Variants in PUM3 observed in about 807,000 individuals in gnomAD.
The protein encoded by PUM3 is pumilio RNA binding family member 3, also known as pumilio homolog 3.
A neutral mutation model predicts 84.0 loss-of-function variants in PUM3; 91 were observed. The observed-to-expected ratio is 1.08, with a 90% CI of 0.91 to 1.29. PUM3 has a LOEUF of 1.29. Ranked by LOEUF, PUM3 falls within the 50% of genes most tolerant of loss-of-function variation. The probability of loss-of-function intolerance (pLI) is 0.00; values close to 1 mark genes in which losing one functional copy is unlikely to be tolerated. For missense variants in PUM3, 1,067 were observed against 767.5 expected, an observed-to-expected ratio of 1.39 and a Z score of -4.61; for synonymous variants, 321 against 266.7, an observed-to-expected ratio of 1.20 and a Z score of -1.98.
intron 11 of PUM3, 99 bp from the exon 12 acceptor site, chr9:2,823,933 A>C (rs1298084878): frequency 2.2e-5 from 13 of 601,100 alleles, no homozygotes; most frequent in African/African-American, 5.8e-5. Context: ...TTTTCATTTG[A>C]GTGGCATATG....
At chr9:2,824,053 G>C (rs1815741377) in intron 11 of PUM3, among the ~76,000 whole-genome samples, 1 of 152,014 alleles carries the variant, frequency 6.6e-6, no homozygotes, top group Admixed American at 6.6e-5. Context: ...GATAGGGTTA[G>C]GGTTAGGGTT....
intron 17 of PUM3, among the ~76,000 whole-genome samples, chr9:2,806,235 C>G (rs1046356683): frequency 7.2e-5 from 11 of 152,096 alleles, no homozygotes; most frequent in Non-Finnish European, 1.5e-4. Flanking sequence ...CTCCAAATGC[C>G]TGGTAAAAAA....
At position 2,838,446 on chromosome 9, in the gene PUM3, T is replaced by C. The variant is rs1449187381; in HGVS notation, c.62A>G (p.Asn21Ser). ...GKSTKTAQEK[N>S]RFHKNSDSGS... ...CTTACCACTATTTTTATGAAATCTG[T>C]TTTTTTCTTGTGCTGTCTTTGTACT... The change falls in exon 2 of 18, where the codon AAC (asparagine) becomes AGC (serine). Residue 21 changes from asparagine to serine, a missense_variant. Transcript: ENST00000397885. The C allele has an allele frequency of 1.9e-6, 3 of 1,611,924 alleles. No individual in the cohort carries two copies. The highest frequency in any genetic ancestry group is 2.5e-6 in the Non-Finnish European group (3 of 1,178,094).
chr9:2,825,650 T>C (rs982692135), intron 10 of PUM3, among the ~76,000 whole-genome samples: 1 of 151,970 alleles, frequency 6.6e-6, no homozygotes, highest in Non-Finnish European at 1.5e-5. Flanking sequence ...CCCCGGCTAA[T>C]TTTTGTATTT....
Position 2,812,219 on chromosome 9 carries a change from C to G in PUM3, c.1412+1G>C. ...AGTCAAGCCATTCTACTTGGTTTTACCTGTGTGCATTTCCATCTCCTTTTT... is the reference window on the plus strand; with the variant it reads ...AGTCAAGCCATTCTACTTGGTTTTAGCTGTGTGCATTTCCATCTCCTTTTT... On this transcript the variant is annotated splice_donor_variant, in intron 14 of 17. Coordinates refer to ENST00000397885, the MANE Select transcript of PUM3 (RefSeq NM_014878.5). LOFTEE classifies it high-confidence loss of function. 6.2e-7 allele frequency: 1 copy of G among 1,613,296 alleles called. No individual in the cohort carries two copies. Among genetic ancestry groups the G allele is most frequent in the Non-Finnish European group, 8.5e-7 (1 of 1,179,410 alleles).
At chr9:2,804,556 G>A in intron 17 of PUM3, 93 bp from the exon 18 acceptor site, 1 of 1,170,882 alleles carries the variant, frequency 8.5e-7, no homozygotes. Context: ...TGTTAACTGT[G>A]ACACAAGCCT....
At chr9:2,819,149 G>A (rs1002375884) in intron 13 of PUM3, among the ~76,000 whole-genome samples, 2 of 152,160 alleles carry the variant, frequency 1.3e-5, no homozygotes, top group Admixed American at 6.5e-5. Flanking sequence ...TATCAAACTA[G>A]TATTTTCTTA....
At position 2,820,221 on chromosome 9, in the gene PUM3, G is replaced by T. The variant is rs113623766; in HGVS notation, c.1189-123C>A. On this transcript the variant is annotated intron_variant, in intron 12 of 17. Transcript: ENST00000397885. ...CCGCTCAAAAAAAAAAAAAAAAAAA[G>T]ATTACCTACATTGACAACTTGTCTA... The T allele has an allele frequency of 7.8e-3, 3,693 of 470,452 alleles. 164 individuals are homozygous for T. The highest frequency in any genetic ancestry group is 0.072 in the African/African-American group (3,359 of 46,502). The allele number at this position is 470,452 out of a possible 1,614,324, so 29.1% of individuals were successfully genotyped here. A position where few individuals can be genotyped will look rare whatever the true frequency, so the allele number is the denominator to read the frequency against.
In PUM3 at chr9:2,810,406, CCTGCAGGATGTT is replaced by C. The variant is rs1440571608; in HGVS notation, c.1649_1660del (p.Glu550_Ala553del). ...TATTAACCACTTCAGAACTAGATGT[CCTGCAGGATGTT>C]CTGCAATGTGAAGCTATGAAGGGTC... On this transcript the variant is annotated inframe_deletion, in exon 16 of 18. Transcript: ENST00000397885. The C allele has an allele frequency of 6.2e-7, 1 of 1,610,992 alleles. No individual in the cohort carries two copies. The highest frequency in any genetic ancestry group is 1.3e-5 in the African/African-American group (1 of 74,766).
intron 5 of PUM3, among the ~76,000 whole-genome samples, 167 bp from the exon 6 acceptor site, chr9:2,831,511 A>T (rs973699765): frequency 2.0e-5 from 3 of 152,186 alleles, no homozygotes; most frequent in African/African-American, 7.2e-5. Context: ...ACAAAACATC[A>T]TTCTGTTGTT....
intron 1 of PUM3, among the ~76,000 whole-genome samples, chr9:2,841,008 A>G (rs932550462): frequency 2.0e-5 from 3 of 152,202 alleles, no homozygotes; most frequent in Admixed American, 6.5e-5. Context: ...ATTTATTTTT[A>G]TATCTATTAC....
chr9:2,811,574 ATCTT>A lies in PUM3; in HGVS notation c.1418_1421del (p.Lys473IlefsTer10), dbSNP rs763269961. On this transcript the variant is annotated frameshift_variant, in exon 15 of 18. Transcript: ENST00000397885. LOFTEE classifies it high-confidence loss of function. The stretch of plus-strand genomic sequence containing the variant: ...GGAGCTCCCGTCTGCGGACCTCTGT[ATCTT>A]TCTTACTGTTGAGTATGTTGAACGG... 3 of 1,613,526 alleles carry A rather than the reference ATCTT, an allele frequency of 1.9e-6. No homozygotes were observed. The highest frequency in any genetic ancestry group is 3.3e-5 in the Admixed American group (2 of 60,016).
intron 17 of PUM3, 121 bp downstream of exon 17, chr9:2,807,693 A>G: frequency 1.7e-6 from 1 of 600,436 alleles, no homozygotes; most frequent in Non-Finnish European, 3.0e-6. Flanking sequence ...CTAGACCATG[A>G]GTGACTGGGA....
chr9:2,811,009 C>A (rs545899090), intron 15 of PUM3, among the ~76,000 whole-genome samples: 2 of 152,174 alleles, frequency 1.3e-5, no homozygotes, highest in Non-Finnish European at 2.9e-5. Flanking sequence ...TTTCAAGGTA[C>A]ATTCATCTTT....
rs765093972 is a variant in PUM3, at chr9:2,834,098, G to C, written c.373C>G (p.Gln125Glu). The C allele has an allele frequency of 1.2e-5, 19 of 1,613,636 alleles. No homozygotes were observed. Among genetic ancestry groups the C allele is most frequent in the Non-Finnish European group, 1.6e-5 (19 of 1,179,686 alleles). The stretch of plus-strand genomic sequence containing the variant: ...TCATAGTTGGTTTTATCACTGAGTT[G>C]TCTGCTTTGCTTCAGTTCTTTCTTC... Reference protein sequence around the residue: ...KKKKELKQSRQLSDKTNYDIV... With the variant: ...KKKKELKQSRELSDKTNYDIV... The change falls in exon 4 of 18, where the codon CAA becomes GAA. Residue 125 changes from glutamine to glutamate, a missense_variant. Coordinates refer to ENST00000397885, the MANE Select transcript of PUM3 (RefSeq NM_014878.5).
intron 1 of PUM3, among the ~76,000 whole-genome samples, chr9:2,840,256 T>G (rs1816234829): frequency 6.6e-6 from 1 of 152,236 alleles, no homozygotes; most frequent in South Asian, 2.1e-4. Flanking sequence ...GTTGCCACTT[T>G]AACCTTTCCA....
chr9:2,805,423 G>T (rs1821239538), intron 17 of PUM3, among the ~76,000 whole-genome samples: 1 of 152,102 alleles, frequency 6.6e-6, no homozygotes, highest in South Asian at 2.1e-4. Context: ...TGTAAATACG[G>T]ACCTCTGAAA....
chr9:2,807,769 T>C (rs745752397), intron 17 of PUM3, 45 bp downstream of exon 17: 3 of 1,251,396 alleles, frequency 2.4e-6, no homozygotes, highest in Non-Finnish European at 3.5e-6. Context: ...GTGTGTCTTT[T>C]GCATGACCAG....
intron 17 of PUM3, among the ~76,000 whole-genome samples, chr9:2,806,027 G>C (rs1373296129): frequency 1.3e-5 from 2 of 152,140 alleles, no homozygotes; most frequent in Non-Finnish European, 2.9e-5. Flanking sequence ...CTTCCATTTA[G>C]AACTTCAAAT....
Sources: gnomAD v4.1 joint callset for allele counts (sites outside exome capture counted in the v4.1 genomes callset) on GRCh38, gnomAD v4.1.1 for gene constraint, MANE v1.5 for transcripts, NCBI Gene and HGNC (gene_info 2026-07-23, HGNC 2026-07-21) for gene names.